The following PRKD1 variants were observed in gnomAD, a reference collection of about 807,000 sequenced individuals.
PRKD1 encodes the protein protein kinase D1, also known as serine/threonine-protein kinase D1.
Under a neutral mutation model 95.9 loss-of-function variants are expected in PRKD1, and 63 were observed. That is an observed-to-expected ratio of 0.66 (90% CI 0.54 to 0.81). The LOEUF (loss-of-function observed/expected upper bound fraction) is 0.81. Among genes scored for constraint, PRKD1 ranks in the 30% least tolerant of loss-of-function variants. The pLI is 0.00. For synonymous variants in PRKD1, 425 were observed against 423.1 expected (o/e 1.00, Z -0.05); for missense variants, 1,048 against 1,165.3 (o/e 0.90, Z 1.47).
chr14:29,906,334 T>G (rs1469188676), intron 1 of PRKD1, among the ~76,000 whole-genome samples: 5 of 150,792 alleles, frequency 3.3e-5, no homozygotes, highest in African/African-American at 1.2e-4. Context: ...AGCCCAGGAG[T>G]TCAAGACCAG....
chr14:29,752,015 AT>A (rs1887498748), intron 1 of PRKD1, among the ~76,000 whole-genome samples: 1 of 152,162 alleles, frequency 6.6e-6, no homozygotes, highest in East Asian at 1.9e-4. Flanking sequence ...TGACAGAAAT[AT>A]TTGCTGTTTC....
chr14:29,795,377 G>A (rs541954974), intron 1 of PRKD1, among the ~76,000 whole-genome samples: 4 of 151,974 alleles, frequency 2.6e-5, no homozygotes, highest in Non-Finnish European at 2.9e-5. Flanking sequence ...TATAGGGAAA[G>A]TTTATCTTCC....
intron 1 of PRKD1, among the ~76,000 whole-genome samples, chr14:29,744,306 C>A (rs1047987950): frequency 6.6e-6 from 1 of 152,142 alleles, no homozygotes; most frequent in Admixed American, 6.6e-5. Context: ...CAGTTAGAAA[C>A]CCTGGATTTA....
At chr14:29,705,633 C>T (rs190448541) in intron 2 of PRKD1, among the ~76,000 whole-genome samples, 2 of 152,112 alleles carry the variant, frequency 1.3e-5, no homozygotes, top group East Asian at 3.9e-4. Flanking sequence ...AGTCACGACA[C>T]ATTCTTCCCT....
At chr14:29,858,625 G>A (rs1892594575) in intron 1 of PRKD1, among the ~76,000 whole-genome samples, 1 of 151,880 alleles carries the variant, frequency 6.6e-6, no homozygotes. Flanking sequence ...CTTTTCCCCT[G>A]GGATTTTTTT....
intron 1 of PRKD1, among the ~76,000 whole-genome samples, chr14:29,746,527 T>TACAC (rs1185689162): frequency 1.2e-3 from 174 of 146,164 alleles, no homozygotes; most frequent in African/African-American, 4.4e-3. Context: ...TGTGTGTACA[T>TACAC]ATATACACAC....
chr14:29,719,016 AAG>A (rs1214759828), intron 2 of PRKD1, among the ~76,000 whole-genome samples: 1 of 152,062 alleles, frequency 6.6e-6, no homozygotes, highest in Admixed American at 6.6e-5. Context: ...TATTATATCT[AAG>A]AGAAATTAAT....
At chr14:29,729,472 C>T (rs1465510636) in intron 1 of PRKD1, among the ~76,000 whole-genome samples, 1 of 152,010 alleles carries the variant, frequency 6.6e-6, no homozygotes, top group Admixed American at 6.6e-5. Flanking sequence ...TCATGTGATT[C>T]CCTTACCACC....
chr14:29,869,219 G>T (rs950034251), intron 1 of PRKD1, among the ~76,000 whole-genome samples: 7 of 152,064 alleles, frequency 4.6e-5, no homozygotes, highest in African/African-American at 1.7e-4. Flanking sequence ...GAGGAGGATG[G>T]ATCACCTGAG....
At chr14:29,919,065 C>T (rs1230494372) in intron 1 of PRKD1, among the ~76,000 whole-genome samples, 1 of 152,184 alleles carries the variant, frequency 6.6e-6, no homozygotes, top group Non-Finnish European at 1.5e-5. Flanking sequence ...ACAAGCAATA[C>T]ATTCACTAGT....
intron 2 of PRKD1, among the ~76,000 whole-genome samples, chr14:29,700,972 G>A (rs375593505): frequency 0.19 from 10,154 of 53,956 alleles, 867 homozygotes; most frequent in African/African-American, 0.5. Flanking sequence ...GTACGCGTGC[G>A]CATGCGCGCG....
intron 1 of PRKD1, among the ~76,000 whole-genome samples, chr14:29,817,481 AAGG>A (rs765485215): frequency 1.3e-5 from 2 of 152,234 alleles, no homozygotes; most frequent in African/African-American, 2.4e-5. Flanking sequence ...GATTAAGAGG[AAGG>A]AGGAGATTTA....
At chr14:29,684,812 C>CA (rs1883760196) in intron 2 of PRKD1, among the ~76,000 whole-genome samples, 1 of 152,214 alleles carries the variant, frequency 6.6e-6, no homozygotes, top group African/African-American at 2.4e-5. Flanking sequence ...GCTTCTCCTG[C>CA]AGTTATCACA....
intron 1 of PRKD1, among the ~76,000 whole-genome samples, chr14:29,817,384 T>A (rs1034116619): frequency 4.6e-5 from 7 of 152,214 alleles, no homozygotes; most frequent in African/African-American, 1.4e-4. Context: ...AAAGGTCCCC[T>A]ATCTCTCTGA....
intron 1 of PRKD1, among the ~76,000 whole-genome samples, chr14:29,826,676 T>TATATATATATACACATATATATATACAC (rs1891145256): frequency 1.4e-5 from 1 of 71,846 alleles, no homozygotes; most frequent in Admixed American, 1.7e-4. Flanking sequence ...TATATGTGTA[T>TATATATATATACACATATATATATACAC]ATATATATAC....
At chr14:29,684,513 A>G (rs17115215) in intron 2 of PRKD1, among the ~76,000 whole-genome samples, 7,428 of 152,290 alleles carry the variant, frequency 0.049, 214 homozygotes, top group East Asian at 0.093. Context: ...TGTATCCTAA[A>G]TAGCAAATTG....
intron 1 of PRKD1, among the ~76,000 whole-genome samples, chr14:29,920,208 A>G (rs1316359957): frequency 6.6e-6 from 1 of 152,218 alleles, no homozygotes; most frequent in Non-Finnish European, 1.5e-5. Flanking sequence ...ACATATTCCA[A>G]CAATAAGGAA....
intron 1 of PRKD1, among the ~76,000 whole-genome samples, chr14:29,793,298 C>A (rs1447441940): frequency 1.3e-5 from 2 of 151,726 alleles, no homozygotes; most frequent in Non-Finnish European, 2.9e-5. Context: ...AAAATGTCCA[C>A]AGGAAAAAAC....
intron 8 of PRKD1, 101 bp from the exon 9 acceptor site, chr14:29,633,047 G>C: frequency 9.2e-7 from 1 of 1,087,190 alleles, no homozygotes. Context: ...GCGATTTGAG[G>C]GTGGAAAGTG....
Sources: gnomAD v4.1 joint callset for allele counts (sites outside exome capture counted in the v4.1 genomes callset) on GRCh38, gnomAD v4.1.1 for gene constraint, MANE v1.5 for transcripts, NCBI Gene and HGNC (gene_info 2026-07-23, HGNC 2026-07-21) for gene names.